The following TMEM237 variants were observed in gnomAD, a reference collection of about 807,000 sequenced individuals.
TMEM237 encodes the protein transmembrane protein 237, also known as amyotrophic lateral sclerosis 2 (juvenile) chromosome region, candidate 4.
TMEM237 carries 51 observed loss-of-function variants against 59.1 expected under a neutral mutation model. That is an observed-to-expected ratio of 0.86 (90% CI 0.69 to 1.09). The LOEUF is 1.09. TMEM237 is among the 50% of genes least tolerant of loss of function. TMEM237 has a pLI of 0.00. For synonymous variants in TMEM237, 140 were observed against 166.1 expected (o/e 0.84, Z 1.21); for missense variants, 475 against 478.3 (o/e 0.99, Z 0.06).
Position 201,624,233 on chromosome 2 carries a change from T to A in TMEM237, c.*22A>T, listed in dbSNP as rs767072197. 1.9e-6 allele frequency: 3 copies of A among 1,597,330 alleles called. No homozygotes were observed. The highest frequency in any genetic ancestry group is 1.7e-6 in the Non-Finnish European group (2 of 1,167,138). ...AAATGGGACAAATACTGGGTCATTA[T>A]TCCTCCAAAGGTGAGCTGGTATTAT... On this transcript the variant is annotated 3_prime_UTR_variant, in exon 13 of 13. Transcript: ENST00000409883.
intron 10 of TMEM237, among the ~76,000 whole-genome samples, chr2:201,627,781 A>G (rs1214836482): frequency 6.6e-6 from 1 of 152,216 alleles, no homozygotes; most frequent in South Asian, 2.1e-4. Context: ...TGTTATTAAA[A>G]GGCCATACCC....
intron 7 of TMEM237, 128 bp from the exon 8 acceptor site, chr2:201,629,980 C>A (rs1217985075): frequency 2.8e-5 from 34 of 1,197,328 alleles, no homozygotes; most frequent in Non-Finnish European, 3.6e-5. Context: ...TCTGAAAATT[C>A]TCCTTGACTC....
intron 1 of TMEM237, chr2:201,642,794 C>T: frequency 7.1e-7 from 1 of 1,411,390 alleles, no homozygotes; most frequent in Non-Finnish European, 9.2e-7. Flanking sequence ...CGTGCAGGGA[C>T]CTGGATTGGC....
intron 12 of TMEM237, 85 bp downstream of exon 12, chr2:201,625,941 A>G (rs1473727561): frequency 2.3e-6 from 3 of 1,296,244 alleles, no homozygotes; most frequent in Non-Finnish European, 3.1e-6. Context: ...TTGGAATATT[A>G]TAAGCTATAC....
chr2:201,631,927 G>T, intron 7 of TMEM237, 124 bp downstream of exon 7: 1 of 1,019,316 alleles, frequency 9.8e-7, no homozygotes, highest in Non-Finnish European at 1.4e-6. Flanking sequence ...ATGATGACCA[G>T]TTTTGTGTAT....
In TMEM237 at chr2:201,632,000, C is replaced by A; in HGVS notation, c.553+51G>T. On this transcript the variant is annotated intron_variant, in intron 7 of 12. Coordinates refer to ENST00000409883, the MANE Select transcript of TMEM237 (RefSeq NM_001044385.3). ...AGATTTCCAGAAGTATAAAGGATAT[C>A]CTTGGACAATTTTTAAAGAGTTCAT... The A allele has an allele frequency of 2.5e-6, 4 of 1,590,894 alleles. No homozygotes were observed. In the South Asian group the frequency reaches 4.5e-5, roughly 18 times the overall value.
intron 1 of TMEM237, chr2:201,642,818 C>T (rs944031886): frequency 3.0e-6 from 4 of 1,354,490 alleles, no homozygotes; most frequent in Non-Finnish European, 3.8e-6. Context: ...TCCAGACTAG[C>T]CCTGCCAAAA....
At chr2:201,628,593 G>A (rs1957779988) in intron 9 of TMEM237, among the ~76,000 whole-genome samples, 1 of 152,000 alleles carries the variant, frequency 6.6e-6, no homozygotes, top group African/African-American at 2.4e-5. Flanking sequence ...GATAAGATAA[G>A]GTCATTAGGA....
intron 4 of TMEM237, among the ~76,000 whole-genome samples, chr2:201,637,519 G>A (rs537566178): frequency 2.0e-5 from 3 of 152,118 alleles, no homozygotes; most frequent in African/African-American, 2.4e-5. Context: ...CAAAGCAGGC[G>A]GATCACATGA....
intron 4 of TMEM237, 135 bp from the exon 5 acceptor site, chr2:201,637,020 A>G: frequency 1.2e-6 from 1 of 859,280 alleles, no homozygotes; most frequent in Non-Finnish European, 1.7e-6. Flanking sequence ...TTATCCCCCA[A>G]ATCTTTCCTT....
chr2:201,625,348 C>T (rs940763092), intron 12 of TMEM237, among the ~76,000 whole-genome samples: 19 of 150,884 alleles, frequency 1.3e-4, no homozygotes, highest in Non-Finnish European at 1.5e-4. Context: ...GGCGACACAG[C>T]GAGACTCCAT....
chr2:201,638,996 G>GT lies in TMEM237; in HGVS notation c.128dup (p.Asn43LysfsTer21). 1 of 1,583,088 alleles carries GT rather than the reference G, an allele frequency of 6.3e-7. No individual in the cohort carries two copies. The highest frequency in any genetic ancestry group is 1.2e-5 in the South Asian group (1 of 86,292). On this transcript the variant is annotated frameshift_variant, in exon 4 of 13. Coordinates refer to ENST00000409883, the MANE Select transcript of TMEM237 (RefSeq NM_001044385.3). LOFTEE classifies it high-confidence loss of function. ...CAAAGAATAACGTCTTACCTGGTGT[G>GT]TTTTTTGTTCTGGGCTTCTTTTTCT... is the stretch of plus-strand genomic sequence containing the variant.
intron 8 of TMEM237, 120 bp downstream of exon 8, chr2:201,629,609 A>T: frequency 7.1e-7 from 1 of 1,400,038 alleles, no homozygotes; most frequent in South Asian, 1.5e-5. Context: ...AAATATACCT[A>T]CCTACCATTT....
In TMEM237 at chr2:201,623,082, C is replaced by T. The variant is rs183698299; in HGVS notation, c.*1173G>A. On this transcript the variant is annotated 3_prime_UTR_variant, in exon 13 of 13. Coordinates refer to ENST00000409883, the MANE Select transcript of TMEM237 (RefSeq NM_001044385.3). The stretch of plus-strand genomic sequence containing the variant: ...TCCCTTTTCGGCAGCTCCAGCCTTA[C>T]AAACAGCAAAAGAGATTCCCAGTAT... The T allele has an allele frequency of 2.6e-4, 46 of 174,594 alleles. No homozygotes were observed. The highest frequency in any genetic ancestry group is 5.2e-4 in the Non-Finnish European group (41 of 78,230). The allele number at this position is 174,594 out of a possible 1,614,324, so 10.8% of individuals were successfully genotyped here.
At chr2:201,641,747 T>G (rs1687426438) in intron 1 of TMEM237, among the ~76,000 whole-genome samples, 1 of 130,434 alleles carries the variant, frequency 7.7e-6, no homozygotes, top group South Asian at 2.4e-4. Flanking sequence ...ACACAAAACG[T>G]AATGAATGAA....
chr2:201,631,585 G>A (rs1195067969), intron 7 of TMEM237, among the ~76,000 whole-genome samples: 1 of 152,094 alleles, frequency 6.6e-6, no homozygotes, highest in Non-Finnish European at 1.5e-5. Flanking sequence ...AACTGGTAAA[G>A]TACAAGAAAG....
chr2:201,631,669 T>C (rs1377634502), intron 7 of TMEM237, among the ~76,000 whole-genome samples: 3 of 152,168 alleles, frequency 2.0e-5, no homozygotes, highest in Non-Finnish European at 2.9e-5. Flanking sequence ...ACAACCAGCA[T>C]TAATATTTGA....
In TMEM237 at chr2:201,620,831, T is replaced by G. The variant is rs1957697560; in HGVS notation, c.*3424A>C. 6.6e-6 allele frequency: 1 copy of G among 152,214 alleles called. No individual in the cohort carries two copies. Among genetic ancestry groups the G allele is most frequent in the Non-Finnish European group, 1.5e-5 (1 of 68,050 alleles). 9.4% of individuals were successfully genotyped at this position (152,214 alleles called of 1,614,324 possible). A position where few individuals can be genotyped will look rare whatever the true frequency, so the allele number is the denominator to read the frequency against. On this transcript the variant is annotated 3_prime_UTR_variant, in exon 13 of 13. Transcript: ENST00000409883. ...CTATTTGTTAGGATTTTTAACACAA[T>G]GACCAGAACTTGATTTTGACAACTT...
At position 201,629,829 on chromosome 2, in the gene TMEM237, A is replaced by G; in HGVS notation, c.577T>C (p.Ser193Pro). Residue 193 changes from serine to proline, a missense_variant, in exon 8 of 13, where the codon TCA (serine) becomes CCA (proline). By Grantham distance (74) the Ser-to-Pro change is moderately conservative. Transcript: ENST00000409883. ...KSRRFQAADR[S>P]ELIKTTENID... ...TTTTCTGTGGTCTTTATCAACTCTGAACGATCAGCAGCCTGGAATCTCCCT... is the reference window on the plus strand; with the variant it reads ...TTTTCTGTGGTCTTTATCAACTCTGGACGATCAGCAGCCTGGAATCTCCCT... 1 of 1,612,926 alleles carries G rather than the reference A, an allele frequency of 6.2e-7. No homozygotes were observed.
Sources: gnomAD v4.1 joint callset for allele counts (sites outside exome capture counted in the v4.1 genomes callset) on GRCh38, gnomAD v4.1.1 for gene constraint, MANE v1.5 for transcripts, NCBI Gene and HGNC (gene_info 2026-07-23, HGNC 2026-07-21) for gene names.